Variants in STARD13 observed in about 807,000 individuals in gnomAD.
The protein encoded by STARD13 is StAR related lipid transfer domain containing 13.
A neutral mutation model predicts 106.4 loss-of-function variants in STARD13; 62 were observed. The ratio of observed to expected loss-of-function variants is 0.58; its 90% CI spans 0.48 to 0.72. The LOEUF (loss-of-function observed/expected upper bound fraction) is 0.72. Among genes scored for constraint, STARD13 ranks in the 30% least tolerant of loss-of-function variants. STARD13 has a pLI of 0.00. For missense variants in STARD13, 1,387 were observed against 1,424.0 expected (o/e 0.97, Z 0.42); for synonymous variants, 565 against 553.0 (o/e 1.02, Z -0.31).
intron 3 of STARD13, among the ~76,000 whole-genome samples, chr13:33,152,675 C>T (rs1220493694): frequency 3.3e-5 from 5 of 152,228 alleles, no homozygotes; most frequent in Non-Finnish European, 5.9e-5. Flanking sequence ...GCCCAGCCCA[C>T]ATACCTCCTC....
chr13:33,631,550 G>A, the STARD13 span, among the ~76,000 whole-genome samples: 1 of 152,294 alleles, frequency 6.6e-6, no homozygotes, highest in South Asian at 2.1e-4. Context: ...TATACCTCAT[G>A]GTACAAGACA....
chr13:33,150,907 C>G (rs1175202918), intron 3 of STARD13, among the ~76,000 whole-genome samples: 2 of 152,152 alleles, frequency 1.3e-5, no homozygotes, highest in Admixed American at 6.5e-5. Flanking sequence ...TCCGACAGTG[C>G]GCTGTGTACC....
chr13:33,120,776 CT>C (rs201604710), intron 7 of STARD13, among the ~76,000 whole-genome samples: 107 of 147,148 alleles, frequency 7.3e-4, no homozygotes, highest in African/African-American at 1.2e-3. Flanking sequence ...TATTTCCTGA[CT>C]TTTTTTTTTT....
At chr13:33,515,486 G>A in the STARD13 span, among the ~76,000 whole-genome samples, 1 of 152,164 alleles carries the variant, frequency 6.6e-6, no homozygotes, top group Non-Finnish European at 1.5e-5. Flanking sequence ...ACGAAACAAG[G>A]AAAGTGCAGA....
chr13:33,343,971 A>G (rs548462934), downstream of STARD13, among the ~76,000 whole-genome samples: 1 of 152,174 alleles, frequency 6.6e-6, no homozygotes, highest in South Asian at 2.1e-4. Flanking sequence ...GTGATAGGAC[A>G]AGTTCCTTCT....
At chr13:33,437,744 T>C in the STARD13 span, among the ~76,000 whole-genome samples, 2 of 152,244 alleles carry the variant, frequency 1.3e-5, no homozygotes, top group African/African-American at 4.8e-5. Context: ...ATTTACATGT[T>C]CAGAAAAATT....
chr13:33,215,127 G>C (rs551070092), intron 1 of STARD13, among the ~76,000 whole-genome samples: 2 of 123,074 alleles, frequency 1.6e-5, no homozygotes, highest in Non-Finnish European at 3.3e-5. Flanking sequence ...CTTGGGGGGG[G>C]GGGTGGGGGG....
At chr13:33,629,972 C>T in the STARD13 span, among the ~76,000 whole-genome samples, 2 of 152,136 alleles carry the variant, frequency 1.3e-5, no homozygotes, top group Non-Finnish European at 2.9e-5. Context: ...ATAAAATGCA[C>T]GTCAAAGGCA....
the STARD13 span, among the ~76,000 whole-genome samples, chr13:33,581,472 G>C: frequency 0.22 from 33,043 of 151,900 alleles, 4,695 homozygotes; most frequent in East Asian, 0.39. Flanking sequence ...TAAGACTTGT[G>C]CAGCAACATT....
chr13:33,334,469 C>A (rs1437609074), intron 1 of STARD13, among the ~76,000 whole-genome samples: 2 of 152,162 alleles, frequency 1.3e-5, no homozygotes, highest in Non-Finnish European at 2.9e-5. Context: ...ATGATCGGGA[C>A]CTCAGTGTCA....
chr13:33,211,275 T>C (rs1887700019), intron 1 of STARD13, among the ~76,000 whole-genome samples: 1 of 151,738 alleles, frequency 6.6e-6, no homozygotes, highest in Admixed American at 6.6e-5. Context: ...AATATTTTAA[T>C]GATACCAAAT....
At chr13:33,241,594 G>C (rs181343412) in intron 1 of STARD13, among the ~76,000 whole-genome samples, 1 of 121,376 alleles carries the variant, frequency 8.2e-6, no homozygotes, top group Non-Finnish European at 1.6e-5. Flanking sequence ...ATGCCGAGCC[G>C]AGGCTGGACC....
Position 33,142,369 on chromosome 13 carries a change from GTCGTC to G in STARD13, c.324-1_327del. On this transcript the variant is annotated splice_acceptor_variant and coding_sequence_variant, in exon 4 of 14. Transcript: ENST00000336934. LOFTEE classifies it high-confidence loss of function. ...GAGGCACACTTGTTCAACGTATTTAGTCGTCTAAAAGGAAAGAAAAATGTGATGAT... is the reference window on the plus strand; with the variant it reads ...GAGGCACACTTGTTCAACGTATTTAGTAAAAGGAAAGAAAAATGTGATGAT... The G allele has an allele frequency of 6.2e-7, 1 of 1,613,714 alleles. No individual in the cohort carries two copies. The highest frequency in any genetic ancestry group is 8.5e-7 in the Non-Finnish European group (1 of 1,179,756).
intron 1 of STARD13, among the ~76,000 whole-genome samples, chr13:33,307,839 A>C (rs1405446239): frequency 2.6e-5 from 4 of 152,228 alleles, no homozygotes; most frequent in African/African-American, 9.6e-5. Context: ...AAATTTAAAA[A>C]ATAAATGAGA....
At chr13:33,617,293 A>G in the STARD13 span, among the ~76,000 whole-genome samples, 1 of 152,160 alleles carries the variant, frequency 6.6e-6, no homozygotes, top group African/African-American at 2.4e-5. Context: ...TAGGCACTCA[A>G]TAGGTTTGGT....
intron 1 of STARD13, chr13:33,280,421 A>G (rs963761463): frequency 3.9e-5 from 6 of 152,216 alleles, no homozygotes; most frequent in African/African-American, 1.4e-4. Flanking sequence ...CTTTCTCGGT[A>G]GTGAAACTTT....
the STARD13 span, among the ~76,000 whole-genome samples, chr13:33,446,214 T>C: frequency 1.3e-5 from 2 of 152,176 alleles, no homozygotes; most frequent in Non-Finnish European, 2.9e-5. Context: ...AAATTTGAAT[T>C]CAAAATATTG....
the STARD13 span, among the ~76,000 whole-genome samples, chr13:33,516,086 CAT>C: frequency 2.7e-5 from 4 of 150,280 alleles, no homozygotes; most frequent in South Asian, 2.1e-4. Context: ...TACACACACA[CAT>C]ACACACACAT....
At chr13:33,469,556 A>G in the STARD13 span, among the ~76,000 whole-genome samples, 1 of 152,206 alleles carries the variant, frequency 6.6e-6, no homozygotes, top group Non-Finnish European at 1.5e-5. Context: ...GATATTTACC[A>G]GGTACTCCCA....
Sources: gnomAD v4.1 joint callset for allele counts (sites outside exome capture counted in the v4.1 genomes callset) on GRCh38, gnomAD v4.1.1 for gene constraint, MANE v1.5 for transcripts, NCBI Gene and HGNC (gene_info 2026-07-23, HGNC 2026-07-21) for gene names.